Variants in TTC19 observed in about 807,000 individuals in gnomAD.
TTC19 encodes the protein tetratricopeptide repeat domain 19, also known as tetratricopeptide repeat protein 19, mitochondrial.
TTC19 carries 38 observed loss-of-function variants against 49.5 expected under a neutral mutation model. The observed-to-expected ratio is 0.77, with a 90% CI of 0.59 to 1.01. The LOEUF is 1.01. Among genes scored for constraint, TTC19 ranks in the 50% least tolerant of loss-of-function variants. The pLI, the probability that TTC19 is intolerant of heterozygous loss-of-function variation, is 0.00. For missense variants in TTC19, 475 were observed against 477.7 expected (o/e 0.99, Z 0.05); for synonymous variants, 204 against 185.2 (o/e 1.10, Z -0.83).
At chr17:16,002,130 A>C (rs1228757327) in intron 3 of TTC19, 105 bp downstream of exon 3, 1 of 825,204 alleles carries the variant, frequency 1.2e-6, no homozygotes, top group African/African-American at 1.7e-5. Flanking sequence ...ATGTTCTAAA[A>C]CTCCTTTTCT....
downstream of TTC19, chr17:16,032,043 T>A: frequency 9.0e-6 from 4 of 443,394 alleles, no homozygotes; most frequent in South Asian, 1.3e-4. Context: ...TTTTAAAAAC[T>A]CTACATCTCA....
At chr17:16,040,032 C>T (rs957130851) in intron 2 of TTC19, 2 of 395,456 alleles carry the variant, frequency 5.1e-6, no homozygotes, top group East Asian at 6.6e-5. Context: ...TCAGGTGATC[C>T]GCCCGCCTTG....
chr17:16,015,260 T>G (rs1384084713), intron 7 of TTC19, among the ~76,000 whole-genome samples: 2 of 152,202 alleles, frequency 1.3e-5, no homozygotes, highest in Non-Finnish European at 2.9e-5. Flanking sequence ...GGCAGCTTTT[T>G]TTTTCCTTCT....
In TTC19 at chr17:16,028,154, G is replaced by T. The variant is rs975957452; in HGVS notation, c.*632G>T. 6.4e-5 allele frequency: 29 copies of T among 453,872 alleles called. No homozygotes were observed. Among genetic ancestry groups the T allele is most frequent in the Non-Finnish European group, 1.1e-4 (26 of 226,774 alleles). 28.1% of individuals were successfully genotyped at this position (453,872 alleles called of 1,614,324 possible). On this transcript the variant is annotated 3_prime_UTR_variant, in exon 10 of 10. Coordinates refer to ENST00000261647, the MANE Select transcript of TTC19 (RefSeq NM_017775.4). ...AATAAAAGTGAACCATATTTATCTG[G>T]TTATATAAAACTAAAAATGGGGGTG...
At chr17:16,044,804 A>G in exon 3 of TTC19, 1 of 1,112,240 alleles carries the variant, frequency 9.0e-7, no homozygotes, top group Non-Finnish European at 1.4e-6. Context: ...CCTCATCTAC[A>G]ATGTAGGGGC....
At chr17:16,011,285 A>G (rs940982320) in intron 7 of TTC19, among the ~76,000 whole-genome samples, 1 of 152,158 alleles carries the variant, frequency 6.6e-6, no homozygotes. Context: ...GGTTCAAGCA[A>G]TTCTCATGCC....
At chr17:16,040,050 A>G (rs975624126) in intron 2 of TTC19, 1 of 412,224 alleles carries the variant, frequency 2.4e-6, no homozygotes, top group Admixed American at 3.1e-5. Flanking sequence ...TTGGCCTCCC[A>G]AAGTGCTGGG....
Position 16,006,414 on chromosome 17 carries a change from A to G in TTC19, c.582-60A>G, listed in dbSNP as rs3760297. 698,978 of 1,246,904 alleles carry G rather than the reference A, an allele frequency of 0.56. 200,771 individuals carry two copies. Among genetic ancestry groups the G allele is most frequent in the African/African-American group, 0.69 (46,655 of 67,802 alleles). 77.2% of individuals were successfully genotyped at this position (1,246,904 alleles called of 1,614,324 possible). A position where few individuals can be genotyped will look rare whatever the true frequency, so the allele number is the denominator to read the frequency against. On this transcript the variant is annotated intron_variant, in intron 6 of 9. Coordinates refer to ENST00000261647, the MANE Select transcript of TTC19 (RefSeq NM_017775.4). ...AACAAGAGCGAAACTCCATCTCAAC[A>G]GAAGGAAGAAAAAAAAAAGAAGAAA...
chr17:16,033,558 A>C (rs1972975717), downstream of TTC19, among the ~76,000 whole-genome samples: 1 of 152,108 alleles, frequency 6.6e-6, no homozygotes, highest in Non-Finnish European at 1.5e-5. Context: ...AGGGAAGGGC[A>C]CATTTCAGAT....
At chr17:16,031,972 G>A, downstream of TTC19, 1 of 325,482 alleles carries the variant, frequency 3.1e-6, no homozygotes, top group Non-Finnish European at 5.6e-6. Flanking sequence ...TCTATTTACA[G>A]AAGAGTGATT....
rs1970911894 is a variant in TTC19 at position 16,006,458 on chromosome 17, T to C, written c.582-16T>C. 6.4e-7 allele frequency: 1 copy of C among 1,555,256 alleles called. No individual in the cohort carries two copies. Among genetic ancestry groups the C allele is most frequent in the Non-Finnish European group, 8.9e-7 (1 of 1,127,002 alleles). On this transcript the variant is annotated splice_polypyrimidine_tract_variant and intron_variant, in intron 6 of 9. Coordinates refer to ENST00000261647, the MANE Select transcript of TTC19 (RefSeq NM_017775.4). ...GAAGAAAAGGTAAATGGCTGATTAT[T>C]GATTTTGCTTTACAGACAGGAATTT...
At chr17:16,000,375 A>G (rs1425737869) in intron 2 of TTC19, 130 bp downstream of exon 2, 2 of 1,516,806 alleles carry the variant, frequency 1.3e-6, no homozygotes, top group Admixed American at 4.0e-5. Context: ...AAAATTGCCG[A>G]GAATGAGGTG....
chr17:15,999,833 A>G lies in TTC19; in HGVS notation c.-16A>G, dbSNP rs1406886318. ...AGCGCGTCTGGCCTGCAGTGCGCAG[A>G]GGACGCGGCGGGAGCATGTTCCGGC... On this transcript the variant is annotated 5_prime_UTR_variant, in exon 1 of 10. Transcript: ENST00000261647. The G allele has an allele frequency of 6.5e-7, 1 of 1,539,468 alleles. No homozygotes were observed.
intron 7 of TTC19, among the ~76,000 whole-genome samples, chr17:16,012,831 C>T (rs1971114648): frequency 6.6e-6 from 1 of 152,176 alleles, no homozygotes; most frequent in African/African-American, 2.4e-5. Flanking sequence ...AGCCACCACG[C>T]TAGGCCTATT....
chr17:16,011,688 T>C (rs1294201592), intron 7 of TTC19, among the ~76,000 whole-genome samples: 1 of 152,214 alleles, frequency 6.6e-6, no homozygotes, highest in Non-Finnish European at 1.5e-5. Context: ...AAATTGCCAT[T>C]GAAAGGACTG....
Position 16,028,953 on chromosome 17 carries a change from C to A in TTC19, c.*1431C>A. The A allele has an allele frequency of 2.4e-6, 1 of 420,584 alleles. No homozygotes were observed. The allele number at this position is 420,584 out of a possible 1,614,324, so 26.1% of individuals were successfully genotyped here. A position where few individuals can be genotyped will look rare whatever the true frequency, so the allele number is the denominator to read the frequency against. ...GCAGATGTAAATTTCTTCCTATTTT[C>A]TGTCTAATCTCATATTATTTACCAT... On this transcript the variant is annotated 3_prime_UTR_variant, in exon 10 of 10. Coordinates refer to ENST00000261647, the MANE Select transcript of TTC19 (RefSeq NM_017775.4).
intron 2 of TTC19, chr17:16,034,951 G>A (rs774425995): frequency 1.1e-5 from 18 of 1,612,840 alleles, no homozygotes; most frequent in Non-Finnish European, 1.4e-5. Context: ...CCTCCTGAAA[G>A]TGAAATTCAA....
At chr17:16,021,432 A>G (rs1971381721) in intron 7 of TTC19, among the ~76,000 whole-genome samples, 1 of 152,204 alleles carries the variant, frequency 6.6e-6, no homozygotes, top group African/African-American at 2.4e-5. Flanking sequence ...TCATGGAGCT[A>G]CATTTCTGGT....
intron 5 of TTC19, 106 bp from the exon 6 acceptor site, chr17:16,004,095 A>T: frequency 8.1e-7 from 1 of 1,242,216 alleles, no homozygotes; most frequent in South Asian, 1.2e-5. Context: ...CTCTAAAAGA[A>T]TAAAGACTGT....
Sources: allele counts gnomAD v4.1 joint callset (sites outside exome capture counted in the v4.1 genomes callset), GRCh38; gene constraint gnomAD v4.1.1; transcripts MANE v1.5; gene names NCBI Gene and HGNC (gene_info 2026-07-23, HGNC 2026-07-21).